Variants in TSHZ2 observed in about 807,000 individuals in gnomAD.
TSHZ2 encodes teashirt zinc finger homeobox 2, also known as teashirt homolog 2.
TSHZ2 carries 21 observed loss-of-function variants against 74.4 expected under a neutral mutation model. The ratio of observed to expected loss-of-function variants is 0.28; its 90% CI spans 0.20 to 0.41. TSHZ2 has a LOEUF of 0.41. Among genes scored for constraint, TSHZ2 ranks in the 10% least tolerant of loss-of-function variants. The pLI is 1.00. For missense variants in TSHZ2, 1,244 were observed against 1,293.5 expected (o/e 0.96, Z 0.59); for synonymous variants, 540 against 515.3 (o/e 1.05, Z -0.65).
chr20:53,115,659 G>A lies in TSHZ2; in HGVS notation c.41-137840G>A, dbSNP rs183801014. On this transcript the variant is annotated intron_variant, in intron 1 of 2. Coordinates refer to ENST00000371497, the MANE Select transcript of TSHZ2 (RefSeq NM_173485.6). ...ACACAGAGCAAAGGAATTGAGAATGGTAGTGAGGTGCAGAGGTGGGGAGGG... is the reference window on the plus strand; with the variant it reads ...ACACAGAGCAAAGGAATTGAGAATGATAGTGAGGTGCAGAGGTGGGGAGGG... Among the ~76,000 whole-genome samples the A allele has an allele frequency of 5.3e-5, 8 of 152,266 alleles. No homozygotes were observed. In the East Asian group the frequency reaches 1.5e-3, roughly 29 times the overall value.
intron 2 of TSHZ2, among the ~76,000 whole-genome samples, chr20:53,372,065 C>T (rs1020660850): frequency 2.0e-5 from 3 of 152,030 alleles, no homozygotes; most frequent in African/African-American, 7.2e-5. Flanking sequence ...TGAATTAGGG[C>T]CCACCCTAAT....
chr20:53,313,689 T>C (rs1978879918), intron 2 of TSHZ2, among the ~76,000 whole-genome samples: 1 of 152,252 alleles, frequency 6.6e-6, no homozygotes, highest in African/African-American at 2.4e-5. Flanking sequence ...CCATTTTTAA[T>C]ACATTCTTGT....
chr20:53,259,235 C>T (rs575664404), intron 2 of TSHZ2, among the ~76,000 whole-genome samples: 342 of 152,316 alleles, frequency 2.2e-3, no homozygotes, highest in Non-Finnish European at 3.7e-3. Flanking sequence ...AAAGTATGAT[C>T]AAGATTTCTT....
intron 1 of TSHZ2, among the ~76,000 whole-genome samples, chr20:53,043,705 G>A (rs914301745): frequency 3.3e-5 from 5 of 151,484 alleles, no homozygotes; most frequent in African/African-American, 9.7e-5. Context: ...TTCTTCATTC[G>A]AATATAGGAT....
chr20:53,227,629 C>T (rs1174643981), intron 1 of TSHZ2, among the ~76,000 whole-genome samples: 7 of 152,076 alleles, frequency 4.6e-5, no homozygotes, highest in Non-Finnish European at 1.0e-4. Context: ...TTAGTAGCTG[C>T]TTATTTTAAA....
chr20:53,323,160 A>G (rs1404460392), intron 2 of TSHZ2, among the ~76,000 whole-genome samples: 1 of 152,208 alleles, frequency 6.6e-6, no homozygotes, highest in African/African-American at 2.4e-5. Flanking sequence ...CTAAAATGTC[A>G]GTGCTGTGAG....
chr20:53,270,370 C>G (rs1990810428), intron 2 of TSHZ2, among the ~76,000 whole-genome samples: 1 of 152,044 alleles, frequency 6.6e-6, no homozygotes, highest in Non-Finnish European at 1.5e-5. Flanking sequence ...CCTTATGTAT[C>G]CTATCTCAAT....
intron 1 of TSHZ2, among the ~76,000 whole-genome samples, chr20:53,035,907 A>G (rs975305383): frequency 3.3e-5 from 5 of 152,208 alleles, no homozygotes; most frequent in African/African-American, 1.2e-4. Context: ...AGACCTATTC[A>G]TAAGTGTATA....
At chr20:53,238,451 A>G (rs1327572475) in intron 1 of TSHZ2, among the ~76,000 whole-genome samples, 1 of 152,158 alleles carries the variant, frequency 6.6e-6, no homozygotes, top group African/African-American at 2.4e-5. Flanking sequence ...CCTTTGAGTC[A>G]TAGGTTCAGA....
At position 53,162,987 on chromosome 20, in the gene TSHZ2, A is replaced by G. The variant is rs113026166; in HGVS notation, c.41-90512A>G. Among the ~76,000 whole-genome samples the G allele has an allele frequency of 2.1e-4, 32 of 152,326 alleles. 1 individual carries two copies. Among genetic ancestry groups the G allele is most frequent in the African/African-American group, 7.5e-4 (31 of 41,578 alleles). ...AATAATTGTTTTTAAAAAGTTTACTATTAGAAAGTACTGAAAAGAATGTAG... is the reference window on the plus strand; with the variant it reads ...AATAATTGTTTTTAAAAAGTTTACTGTTAGAAAGTACTGAAAAGAATGTAG... On this transcript the variant is annotated intron_variant, in intron 1 of 2. Transcript: ENST00000371497.
intron 1 of TSHZ2, among the ~76,000 whole-genome samples, chr20:53,063,007 C>T (rs1322431470): frequency 6.6e-6 from 1 of 152,062 alleles, no homozygotes; most frequent in Non-Finnish European, 1.5e-5. Flanking sequence ...AAAGAGCTTC[C>T]CTATTTCCAG....
intron 1 of TSHZ2, among the ~76,000 whole-genome samples, chr20:53,053,579 G>A (rs887004757): frequency 1.2e-3 from 67 of 57,262 alleles, no homozygotes; most frequent in African/African-American, 7.0e-3. Flanking sequence ...GTATATGTGT[G>A]TGTATATATA....
At chr20:53,004,105 C>T (rs1026636742) in intron 1 of TSHZ2, among the ~76,000 whole-genome samples, 3 of 152,058 alleles carry the variant, frequency 2.0e-5, no homozygotes, top group African/African-American at 7.2e-5. Context: ...TATCTGTGGG[C>T]TGACTGTTGC....
intron 2 of TSHZ2, among the ~76,000 whole-genome samples, chr20:53,449,670 C>G (rs1984693837): frequency 6.6e-6 from 1 of 152,232 alleles, no homozygotes; most frequent in Non-Finnish European, 1.5e-5. Flanking sequence ...CCTGTTCCAT[C>G]TTCACATATT....
chr20:53,469,963 C>T (rs1034062230), intron 2 of TSHZ2, among the ~76,000 whole-genome samples: 1 of 152,062 alleles, frequency 6.6e-6, no homozygotes, highest in African/African-American at 2.4e-5. Context: ...CCAGATATTA[C>T]TGATATATAA....
intron 1 of TSHZ2, among the ~76,000 whole-genome samples, chr20:53,205,340 T>C (rs1229024498): frequency 1.3e-5 from 2 of 152,236 alleles, no homozygotes; most frequent in Admixed American, 6.5e-5. Flanking sequence ...AACTTTGAAC[T>C]TGTGGGCAAT....
chr20:53,394,124 A>G (rs1428670583), intron 2 of TSHZ2, among the ~76,000 whole-genome samples: 2 of 152,202 alleles, frequency 1.3e-5, no homozygotes, highest in African/African-American at 4.8e-5. Context: ...TCCTGTGTTT[A>G]ATGGGATTTA....
chr20:53,363,061 A>T (rs1981125055), intron 2 of TSHZ2, among the ~76,000 whole-genome samples: 1 of 152,192 alleles, frequency 6.6e-6, no homozygotes, highest in African/African-American at 2.4e-5. Context: ...AATGGTGCAC[A>T]GTGAGTGGGT....
chr20:53,156,109 C>A (rs897023184), intron 1 of TSHZ2, among the ~76,000 whole-genome samples: 2 of 152,196 alleles, frequency 1.3e-5, no homozygotes, highest in Admixed American at 1.3e-4. Context: ...TCACCATTCT[C>A]TGTTGTCTCT....
Sources: gnomAD v4.1 joint callset for allele counts (sites outside exome capture counted in the v4.1 genomes callset) on GRCh38, gnomAD v4.1.1 for gene constraint, MANE v1.5 for transcripts, NCBI Gene and HGNC (gene_info 2026-07-23, HGNC 2026-07-21) for gene names.